The following GRM4 variants were observed in gnomAD, a reference collection of about 807,000 sequenced individuals.
GRM4 encodes the protein metabotropic glutamate receptor 4.
GRM4 carries 28 observed loss-of-function variants against 81.7 expected under a neutral mutation model. The observed-to-expected ratio is 0.34, with a 90% CI of 0.25 to 0.47. GRM4 has a LOEUF of 0.47. Among genes scored for constraint, GRM4 ranks in the 20% least tolerant of loss-of-function variants. The probability of loss-of-function intolerance (pLI) is 1.00; values close to 1 mark genes in which losing one functional copy is unlikely to be tolerated. For missense variants in GRM4, 948 were observed against 1,290.0 expected (o/e 0.73, Z 4.06); for synonymous variants, 488 against 528.8 (o/e 0.92, Z 1.06).
chr6:34,139,986 A>G (rs1479461545), intron 1 of GRM4, among the ~76,000 whole-genome samples: 2 of 152,334 alleles, frequency 1.3e-5, no homozygotes, highest in Admixed American at 6.5e-5. Flanking sequence ...CACGTCCCAA[A>G]GCGGGTGGGC....
At chr6:34,049,796 A>G (rs1289861674) in intron 6 of GRM4, among the ~76,000 whole-genome samples, 4 of 151,988 alleles carry the variant, frequency 2.6e-5, no homozygotes, top group Admixed American at 1.3e-4. Context: ...CAAAGTTTAC[A>G]AAGAATCTGA....
intron 2 of GRM4, among the ~76,000 whole-genome samples, chr6:34,122,139 A>G (rs1041143487): frequency 9.9e-5 from 15 of 151,832 alleles, no homozygotes; most frequent in Admixed American, 9.8e-4. Context: ...CCAGCCCTTA[A>G]CCACAGGCCA....
chr6:34,110,062 T>A (rs1456320838), intron 2 of GRM4, among the ~76,000 whole-genome samples: 1 of 152,134 alleles, frequency 6.6e-6, no homozygotes, highest in African/African-American at 2.4e-5. Context: ...CTTGGGAGGC[T>A]GAAGCGGGCA....
intron 3 of GRM4, among the ~76,000 whole-genome samples, chr6:34,079,711 C>T (rs1767485383): frequency 1.3e-5 from 2 of 152,162 alleles, no homozygotes; most frequent in African/African-American, 2.4e-5. Flanking sequence ...CCAGGAGTGC[C>T]GTGCCTGGCC....
upstream of GRM4, among the ~76,000 whole-genome samples, chr6:34,149,241 CCT>C (rs1447290540): frequency 1.3e-5 from 2 of 152,162 alleles, no homozygotes; most frequent in African/African-American, 2.4e-5. Flanking sequence ...GTGCAGATTC[CCT>C]GAGAGAACCG....
intron 4 of GRM4, chr6:34,060,995 C>T (rs893890801): frequency 1.3e-5 from 2 of 152,418 alleles, no homozygotes; most frequent in African/African-American, 4.8e-5. Flanking sequence ...ACTCTGGAGT[C>T]CAGGTTAGAA....
exon 1 of GRM4, chr6:34,155,444 G>T: frequency 8.0e-7 from 1 of 1,243,244 alleles, no homozygotes; most frequent in Non-Finnish European, 1.1e-6. Flanking sequence ...CCGGCGGTTC[G>T]CAACCTCGAC....
At position 34,091,945 on chromosome 6, in the gene GRM4, G is replaced by C. The variant is rs1768246662; in HGVS notation, c.674C>G (p.Ala225Gly). The part of the protein sequence containing the change: ...ALKWNYVSTV[A>G]SEGSYGESGV... ...GCTCTCACCATAGCTGCCCTCCGAG[G>C]CCACTGTGGACACATAGTTCCACTT... is the stretch of plus-strand genomic sequence containing the variant. Residue 225 changes from alanine (A) to glycine (G), a missense_variant, in exon 3 of 11, where the codon GCC (alanine) becomes GGC (glycine). Coordinates refer to ENST00000538487, the MANE Select transcript of GRM4 (RefSeq NM_000841.4). The C allele has an allele frequency of 6.2e-7, 1 of 1,614,026 alleles. No individual in the cohort carries two copies. The highest frequency in any genetic ancestry group is 1.3e-5 in the African/African-American group (1 of 74,926).
Position 34,035,663 on chromosome 6 carries a change from C to A in GRM4, c.2442+5G>T. On this transcript the variant is annotated splice_donor_5th_base_variant and intron_variant, in intron 9 of 10. Transcript: ENST00000538487. The surrounding 1 kb of genome is among the most constrained non-coding windows in gnomAD (Gnocchi z 6.6). ...CACCGTCCACCCCCGGCCCCCACCA[C>A]TCACCTTGTCGGCCGACTGCGAGGT... 6.5e-7 allele frequency: 1 copy of A among 1,549,004 alleles called. No homozygotes were observed. Among genetic ancestry groups the A allele is most frequent in the East Asian group, 2.3e-5 (1 of 43,846 alleles).
At chr6:34,052,372 TC>T (rs987997614) in intron 6 of GRM4, among the ~76,000 whole-genome samples, 2 of 152,188 alleles carry the variant, frequency 1.3e-5, no homozygotes, top group African/African-American at 4.8e-5. Flanking sequence ...CAAATCCTCT[TC>T]TTGGGGGAAC....
chr6:34,126,290 C>G (rs543431545), intron 2 of GRM4, among the ~76,000 whole-genome samples: 6 of 152,338 alleles, frequency 3.9e-5, no homozygotes, highest in African/African-American at 1.4e-4. Context: ...GGGATAACAA[C>G]TGTATACCTG....
At chr6:34,083,198 A>T (rs1767699773) in intron 3 of GRM4, among the ~76,000 whole-genome samples, 1 of 152,134 alleles carries the variant, frequency 6.6e-6, no homozygotes, top group African/African-American at 2.4e-5. Context: ...AGGCAGAGGG[A>T]GCCAGGAAAA....
intron 2 of GRM4, among the ~76,000 whole-genome samples, chr6:34,127,386 T>C (rs1770063531): frequency 6.6e-6 from 1 of 152,208 alleles, no homozygotes; most frequent in Admixed American, 6.5e-5. Flanking sequence ...TAGCATGGTG[T>C]CTTCAAGGAG....
At chr6:34,139,969 T>A (rs1770613998) in intron 1 of GRM4, among the ~76,000 whole-genome samples, 1 of 152,156 alleles carries the variant, frequency 6.6e-6, no homozygotes, top group African/African-American at 2.4e-5. Context: ...GCCTGCCCTC[T>A]GGAGCCCACG....
At chr6:34,081,847 C>A (rs1767614655) in intron 3 of GRM4, among the ~76,000 whole-genome samples, 1 of 152,208 alleles carries the variant, frequency 6.6e-6, no homozygotes, top group Non-Finnish European at 1.5e-5. Context: ...GAGTGGGGGA[C>A]TTGGAGTGCC....
At chr6:34,046,445 T>C (rs1241359557) in intron 6 of GRM4, among the ~76,000 whole-genome samples, 1 of 151,908 alleles carries the variant, frequency 6.6e-6, no homozygotes, top group Non-Finnish European at 1.5e-5. Flanking sequence ...GAGCAAGGGT[T>C]TTATTGGTGG....
rs974028155 is a variant in GRM4, at chr6:34,110,708, G to A, written c.520-18609C>T. ...AGCGTGTGTCTGCCTCAGCCTCCCC[G>A]CTGTGCCGGGGTGCTGGGCTGGTAG... On this transcript the variant is annotated intron_variant, in intron 2 of 10. Transcript: ENST00000538487. The A allele has an allele frequency of 1.5e-5, 23 of 1,520,310 alleles. 1 individual carries two copies. The highest frequency in any genetic ancestry group is 9.7e-5 in the South Asian group (8 of 82,052). 94.2% of individuals were successfully genotyped at this position (1,520,310 alleles called of 1,614,324 possible).
chr6:34,074,301 T>C lies in GRM4; in HGVS notation c.737-12273A>G, dbSNP rs541974198. On this transcript the variant is annotated intron_variant, in intron 3 of 10. Transcript: ENST00000538487. The surrounding 1 kb of genome is among the most constrained non-coding windows in gnomAD (Gnocchi z 4.9). ...TCCCCATCTGTGAAATGGGATGGTATGAACCCTGTCCCCGAGACATAGCAG... is the reference window on the plus strand; with the variant it reads ...TCCCCATCTGTGAAATGGGATGGTACGAACCCTGTCCCCGAGACATAGCAG... 2.6e-5 allele frequency among the ~76,000 whole-genome samples: 4 copies of C among 152,328 alleles called. No individual in the cohort carries two copies. The highest frequency in any genetic ancestry group is 9.6e-5 in the African/African-American group (4 of 41,576).
intron 6 of GRM4, among the ~76,000 whole-genome samples, chr6:34,041,902 T>TATTC (rs796466340): frequency 5.3e-5 from 8 of 152,362 alleles, no homozygotes; most frequent in African/African-American, 1.9e-4. Flanking sequence ...TCTTGATGTA[T>TATTC]ATTCACTCAT....
Sources: allele counts gnomAD v4.1 joint callset (sites outside exome capture counted in the v4.1 genomes callset), GRCh38; gene constraint gnomAD v4.1.1; non-coding constraint Gnocchi (gnomAD v3.1); transcripts MANE v1.5; gene names NCBI Gene and HGNC (gene_info 2026-07-23, HGNC 2026-07-21).